The following CTNND2 variants were observed in gnomAD, a reference collection of about 807,000 sequenced individuals.
CTNND2 encodes the protein catenin delta 2.
Under a neutral mutation model 144.4 loss-of-function variants are expected in CTNND2, and 22 were observed. The observed-to-expected ratio is 0.15, with a 90% CI of 0.11 to 0.22. The LOEUF (loss-of-function observed/expected upper bound fraction) is 0.22. CTNND2 is among the 10% of genes least tolerant of loss of function. The pLI is 1.00. For synonymous variants in CTNND2, 751 were observed against 695.6 expected, an observed-to-expected ratio of 1.08 and a Z score of -1.25; for missense variants, 1,353 against 1,618.8, an observed-to-expected ratio of 0.84 and a Z score of 2.82.
At chr5:11,619,769 T>G (rs1780746614) in intron 2 of CTNND2, among the ~76,000 whole-genome samples, 1 of 152,176 alleles carries the variant, frequency 6.6e-6, no homozygotes, top group African/African-American at 2.4e-5. Flanking sequence ...AGCTGGAAAT[T>G]TCTCTCACTG....
At chr5:11,682,644 G>T (rs1333729660) in intron 2 of CTNND2, among the ~76,000 whole-genome samples, 1 of 152,164 alleles carries the variant, frequency 6.6e-6, no homozygotes, top group East Asian at 1.9e-4. Flanking sequence ...ATGATACATG[G>T]AAGGTGAACA....
At chr5:11,701,859 T>C (rs1173459057) in intron 2 of CTNND2, among the ~76,000 whole-genome samples, 3 of 152,232 alleles carry the variant, frequency 2.0e-5, no homozygotes, top group Admixed American at 2.0e-4. Context: ...GGCTGAGTTA[T>C]GCTGCAGTAA....
intron 1 of CTNND2, among the ~76,000 whole-genome samples, chr5:11,747,944 A>G (rs1332255416): frequency 6.6e-6 from 1 of 152,112 alleles, no homozygotes; most frequent in East Asian, 1.9e-4. Flanking sequence ...CAATTTCTCA[A>G]GATACCGAAG....
intron 9 of CTNND2, 148 bp downstream of exon 9, chr5:11,346,224 A>G: frequency 1.5e-6 from 1 of 648,868 alleles, no homozygotes; most frequent in Non-Finnish European, 2.3e-6. Flanking sequence ...GCAAGCACAC[A>G]CATTCCAAGT....
intron 3 of CTNND2, among the ~76,000 whole-genome samples, chr5:11,418,681 A>T (rs997927318): frequency 2.6e-5 from 4 of 152,326 alleles, no homozygotes. Flanking sequence ...TCAATTTGTA[A>T]GGAGCAGGGT....
chr5:11,527,224 T>A (rs1003675442), intron 3 of CTNND2, among the ~76,000 whole-genome samples: 1 of 152,210 alleles, frequency 6.6e-6, no homozygotes, highest in South Asian at 2.1e-4. Context: ...GTAAATGTTA[T>A]GTATTTTTTT....
At chr5:11,537,411 G>A (rs1240553487) in intron 3 of CTNND2, among the ~76,000 whole-genome samples, 2 of 152,036 alleles carry the variant, frequency 1.3e-5, no homozygotes, top group Non-Finnish European at 2.9e-5. Context: ...TTATACAACT[G>A]AGAAATTAGT....
chr5:11,903,201 T>C lies in CTNND2; in HGVS notation c.37+616A>G. On this transcript the variant is annotated intron_variant, in intron 1 of 21. Transcript: ENST00000304623. The surrounding 1 kb of genome is among the most constrained non-coding windows in gnomAD (Gnocchi z 5.4). Reference sequence around the variant, plus strand: ...CTTTCAGGCGGCGCTTTCTGGAGCCTGGCTGTCTATTGTCAGCACGCAGAA... The same window carrying C: ...CTTTCAGGCGGCGCTTTCTGGAGCCCGGCTGTCTATTGTCAGCACGCAGAA... 2 of 985,502 alleles carry C rather than the reference T, an allele frequency of 2.0e-6. No individual in the cohort carries two copies. The highest frequency in any genetic ancestry group is 1.7e-5 in the African/African-American group (1 of 57,368). The allele number at this position is 985,502 out of a possible 1,614,324, so 61.0% of individuals were successfully genotyped here.
intron 3 of CTNND2, among the ~76,000 whole-genome samples, chr5:11,431,714 C>T (rs1039643672): frequency 6.6e-6 from 1 of 152,136 alleles, no homozygotes; most frequent in Non-Finnish European, 1.5e-5. Context: ...CCTCTGAGCC[C>T]TGCCCCTACA....
chr5:11,149,693 T>C (rs561406819), intron 12 of CTNND2, among the ~76,000 whole-genome samples: 3 of 152,208 alleles, frequency 2.0e-5, no homozygotes. Context: ...TCCTTTTATG[T>C]AGCAGACTGA....
intron 3 of CTNND2, among the ~76,000 whole-genome samples, chr5:11,557,116 C>A (rs1776295093): frequency 6.6e-6 from 1 of 152,104 alleles, no homozygotes; most frequent in Non-Finnish European, 1.5e-5. Flanking sequence ...TATTTTCTCT[C>A]AAAAACTTTA....
chr5:11,816,441 C>T lies in CTNND2; in HGVS notation c.38-84169G>A, dbSNP rs137899829. The stretch of plus-strand genomic sequence containing the variant: ...CAAGGCTGTGTGACCATGCAAACAA[C>T]ATGCATCAGGGTCTACGCAGAACCT... On this transcript the variant is annotated intron_variant, in intron 1 of 21. Transcript: ENST00000304623. Among the ~76,000 whole-genome samples, 309 of 151,684 alleles carry T rather than the reference C, an allele frequency of 2.0e-3. 1 individual carries two copies. Among genetic ancestry groups the T allele is most frequent in the Non-Finnish European group, 3.6e-3 (244 of 67,954 alleles).
At position 11,552,069 on chromosome 5, in the gene CTNND2, C is replaced by T. The variant is rs1650312016; in HGVS notation, c.287+12875G>A. ...GAACCTGAGCCACCTTGCCCTGCTG[C>T]CTCTGTCTTTATTTGACAGTAAAAC... is the stretch of plus-strand genomic sequence containing the variant. On this transcript the variant is annotated intron_variant, in intron 3 of 21. Transcript: ENST00000304623. 3.9e-5 allele frequency among the ~76,000 whole-genome samples: 6 copies of T among 152,178 alleles called. No individual in the cohort carries two copies. The South Asian group carries it at 1.2e-3, about 32-fold the overall frequency.
intron 9 of CTNND2, among the ~76,000 whole-genome samples, chr5:11,239,270 C>T (rs61750723): frequency 0.031 from 4,692 of 152,390 alleles, 114 homozygotes; most frequent in African/African-American, 0.061. Context: ...CACATGCGTG[C>T]ACCTGTGCAC....
chr5:11,884,218 T>G (rs1736346899), intron 1 of CTNND2, among the ~76,000 whole-genome samples: 1 of 152,240 alleles, frequency 6.6e-6, no homozygotes, highest in Non-Finnish European at 1.5e-5. Context: ...TTGTTGGCAT[T>G]GCTTTTGGTG....
chr5:11,563,066 A>G (rs963660926), intron 3 of CTNND2, among the ~76,000 whole-genome samples: 3 of 152,232 alleles, frequency 2.0e-5, no homozygotes, highest in African/African-American at 7.2e-5. Flanking sequence ...CTTATTTCAT[A>G]TCCTCCAGAG....
At chr5:11,362,483 C>A (rs933307260) in intron 8 of CTNND2, among the ~76,000 whole-genome samples, 1 of 152,134 alleles carries the variant, frequency 6.6e-6, no homozygotes, top group Admixed American at 6.6e-5. Context: ...ACAGAGTTTG[C>A]GGCTTTATGC....
At chr5:11,099,637 CT>C (rs1191417750) in intron 14 of CTNND2, among the ~76,000 whole-genome samples, 4 of 151,888 alleles carry the variant, frequency 2.6e-5, no homozygotes, top group South Asian at 2.1e-4. Context: ...AATACAATGT[CT>C]TTTTTTTCTA....
At chr5:11,315,310 T>C (rs1751374440) in intron 9 of CTNND2, among the ~76,000 whole-genome samples, 3 of 152,220 alleles carry the variant, frequency 2.0e-5, no homozygotes, top group Non-Finnish European at 2.9e-5. Flanking sequence ...TGATACAGTC[T>C]TAGAGAGAGT....
Sources: gnomAD v4.1 joint callset for allele counts (sites outside exome capture counted in the v4.1 genomes callset) on GRCh38, gnomAD v4.1.1 for gene constraint, Gnocchi (gnomAD v3.1) non-coding constraint, MANE v1.5 for transcripts, NCBI Gene and HGNC (gene_info 2026-07-23, HGNC 2026-07-21) for gene names.